The following EGFLAM variants were observed in gnomAD, a reference collection of about 807,000 sequenced individuals.
EGFLAM encodes the protein EGF like, fibronectin type III and laminin G domains.
In EGFLAM, 79 loss-of-function variants were observed where a neutral mutation model predicts 113.1. The observed-to-expected ratio is 0.70, with a 90% CI of 0.58 to 0.84. EGFLAM has a LOEUF of 0.84. Ranked by LOEUF, EGFLAM falls within the 40% of genes least tolerant of loss-of-function variation. EGFLAM has a pLI of 0.00. For synonymous variants in EGFLAM, 504 were observed against 487.6 expected, an observed-to-expected ratio of 1.03 and a Z score of -0.44; for missense variants, 1,265 against 1,291.6, an observed-to-expected ratio of 0.98 and a Z score of 0.32.
intron 6 of EGFLAM, chr5:38,403,905 A>T: frequency 2.5e-6 from 4 of 1,613,870 alleles, no homozygotes; most frequent in Non-Finnish European, 3.4e-6. Flanking sequence ...TAAATCTGGC[A>T]TCGACAGGTT....
chr5:38,258,672 G>C lies in EGFLAM; in HGVS notation c.-83G>C. The C allele has an allele frequency of 6.8e-7, 1 of 1,480,608 alleles. No homozygotes were observed. The allele number at this position is 1,480,608 out of a possible 1,614,324, so 91.7% of individuals were successfully genotyped here. ...CGCCCCGGCCCGGGGATCCGTTGGG[G>C]CCGCGTCCCCCACGCGCCCCCGGAG... On this transcript the variant is annotated 5_prime_UTR_variant, in exon 1 of 22. Transcript: ENST00000322350.
At chr5:38,406,024 T>A in intron 6 of EGFLAM, 102 bp from the exon 7 acceptor site, 2 of 883,808 alleles carry the variant, frequency 2.3e-6, no homozygotes, top group Non-Finnish European at 3.8e-6. Context: ...TCCAATACAC[T>A]GCGTTCCATT....
At chr5:38,357,647 G>A (rs1359951172) in intron 5 of EGFLAM, among the ~76,000 whole-genome samples, 2 of 152,146 alleles carry the variant, frequency 1.3e-5, no homozygotes, top group African/African-American at 4.8e-5. Flanking sequence ...GGCAGGCCAA[G>A]GCTAGGAAAT....
chr5:38,268,379 G>A (rs757036611), intron 1 of EGFLAM, among the ~76,000 whole-genome samples: 12 of 147,238 alleles, frequency 8.2e-5, no homozygotes, highest in Non-Finnish European at 1.5e-4. Flanking sequence ...GGACCTCCAG[G>A]GTGGGAGGTA....
intron 6 of EGFLAM, among the ~76,000 whole-genome samples, chr5:38,380,876 A>G (rs890305152): frequency 2.6e-5 from 4 of 152,032 alleles, no homozygotes; most frequent in Non-Finnish European, 5.9e-5. Context: ...CCAATATTTT[A>G]CCCCCTCTGG....
intron 1 of EGFLAM, chr5:38,290,499 T>A (rs1297609360): frequency 6.6e-6 from 1 of 152,172 alleles, no homozygotes; most frequent in Non-Finnish European, 1.5e-5. Flanking sequence ...TTAAACCCAG[T>A]CTTGTTCCAA....
intron 16 of EGFLAM, 48 bp downstream of exon 16, chr5:38,435,301 CAAAG>C (rs1370851168): frequency 2.9e-6 from 4 of 1,357,510 alleles, no homozygotes; most frequent in Non-Finnish European, 3.2e-6. Flanking sequence ...AGACTGTAGA[CAAAG>C]AAAGTGAGGA....
intron 6 of EGFLAM, among the ~76,000 whole-genome samples, chr5:38,400,459 T>C (rs888891125): frequency 5.9e-5 from 9 of 152,216 alleles, no homozygotes; most frequent in Non-Finnish European, 2.9e-5. Context: ...AGATAAGTTA[T>C]GCACTTTAAT....
chr5:38,394,262 G>A (rs935197819), intron 6 of EGFLAM, among the ~76,000 whole-genome samples: 1 of 151,962 alleles, frequency 6.6e-6, no homozygotes, highest in African/African-American at 2.4e-5. Context: ...TTTTCACTTA[G>A]GGCTGTGGTT....
chr5:38,458,034 A>G (rs1743145217), intron 19 of EGFLAM, among the ~76,000 whole-genome samples: 1 of 152,148 alleles, frequency 6.6e-6, no homozygotes, highest in Non-Finnish European at 1.5e-5. Context: ...AACAATATGA[A>G]TATGTACTTA....
At chr5:38,433,195 G>T (rs968058935) in intron 15 of EGFLAM, among the ~76,000 whole-genome samples, 1 of 152,216 alleles carries the variant, frequency 6.6e-6, no homozygotes, top group African/African-American at 2.4e-5. Context: ...TAGGGCAGGG[G>T]TTAGAGTACA....
intron 17 of EGFLAM, among the ~76,000 whole-genome samples, chr5:38,442,350 T>A (rs1006173616): frequency 5.4e-5 from 8 of 147,852 alleles, no homozygotes; most frequent in Non-Finnish European, 8.9e-5. Context: ...ATTTAAAATA[T>A]TAAATTATAT....
At chr5:38,394,026 C>A (rs1265825887) in intron 6 of EGFLAM, among the ~76,000 whole-genome samples, 1 of 152,142 alleles carries the variant, frequency 6.6e-6, no homozygotes, top group East Asian at 1.9e-4. Flanking sequence ...GCCCAGCCAT[C>A]TCCGGCTAGG....
At chr5:38,313,259 T>C (rs181661426) in intron 1 of EGFLAM, among the ~76,000 whole-genome samples, 6 of 152,340 alleles carry the variant, frequency 3.9e-5, no homozygotes, top group African/African-American at 1.4e-4. Context: ...CTACATAATT[T>C]TATATTGTAC....
chr5:38,266,455 G>C (rs956861037), intron 1 of EGFLAM, among the ~76,000 whole-genome samples: 3 of 152,128 alleles, frequency 2.0e-5, no homozygotes, highest in Admixed American at 6.5e-5. Context: ...ACATGTGAAG[G>C]CAATATTTAA....
At chr5:38,462,836 A>C in intron 20 of EGFLAM, 72 bp from the exon 21 acceptor site, 1 of 1,514,950 alleles carries the variant, frequency 6.6e-7, no homozygotes, top group South Asian at 1.2e-5. Flanking sequence ...ATTTGTATTG[A>C]AATGAATGAA....
intron 1 of EGFLAM, among the ~76,000 whole-genome samples, chr5:38,289,023 A>T (rs560930444): frequency 2.0e-5 from 3 of 152,218 alleles, no homozygotes; most frequent in African/African-American, 7.2e-5. Context: ...TATTAATCCA[A>T]TTCCTGCCCT....
intron 5 of EGFLAM, among the ~76,000 whole-genome samples, chr5:38,368,287 A>G (rs1429506654): frequency 6.6e-6 from 1 of 152,206 alleles, no homozygotes; most frequent in Admixed American, 6.5e-5. Context: ...CTTCGATGAT[A>G]AAGTTAGTTT....
At chr5:38,305,704 A>G in intron 1 of EGFLAM, 1 of 175,302 alleles carries the variant, frequency 5.7e-6, no homozygotes, top group Non-Finnish European at 1.2e-5. Flanking sequence ...AGAGATTTAA[A>G]AGACTGGCAA....
Sources: allele counts gnomAD v4.1 joint callset (sites outside exome capture counted in the v4.1 genomes callset), GRCh38; gene constraint gnomAD v4.1.1; transcripts MANE v1.5; gene names NCBI Gene and HGNC (gene_info 2026-07-23, HGNC 2026-07-21).